CNTNAP2: variants seen among roughly 807,000 people sequenced by gnomAD.
The protein encoded by CNTNAP2 is contactin-associated protein-like 2.
Under a neutral mutation model 155.2 loss-of-function variants are expected in CNTNAP2, and 98 were observed. The ratio of observed to expected loss-of-function variants is 0.63; its 90% CI spans 0.54 to 0.75. The LOEUF (loss-of-function observed/expected upper bound fraction) is 0.75, where lower values mean the gene tolerates loss of function less well. Ranked by LOEUF, CNTNAP2 falls within the 30% of genes least tolerant of loss-of-function variation. The pLI is 0.00. For missense variants in CNTNAP2, 1,727 were observed against 1,688.1 expected, an observed-to-expected ratio of 1.02 and a Z score of -0.40; for synonymous variants, 651 against 631.2, an observed-to-expected ratio of 1.03 and a Z score of -0.47.
At chr7:146,437,031 C>T (rs1006577183) in intron 1 of CNTNAP2, among the ~76,000 whole-genome samples, 1 of 151,468 alleles carries the variant, frequency 6.6e-6, no homozygotes, top group African/African-American at 2.5e-5. Flanking sequence ...GGAACCGGGC[C>T]GCACGGCAGG....
In CNTNAP2 at chr7:147,785,405, C is replaced by T. The variant is rs182556433; in HGVS notation, c.2099-118160C>T. Reference sequence around the variant, plus strand: ...GATGAGAGCCAAAGGAGCCAGTGAACTTTGTAATATGGAGCTTCTTGGTGC... The same window carrying T: ...GATGAGAGCCAAAGGAGCCAGTGAATTTTGTAATATGGAGCTTCTTGGTGC... On this transcript the variant is annotated intron_variant, in intron 13 of 23. Coordinates refer to ENST00000361727, the MANE Select transcript of CNTNAP2 (RefSeq NM_014141.6). Among the ~76,000 whole-genome samples, 14 of 152,180 alleles carry T rather than the reference C, an allele frequency of 9.2e-5. 1 individual carries two copies. Among genetic ancestry groups the T allele is most frequent in the Non-Finnish European group, 1.9e-4 (13 of 68,016 alleles).
In CNTNAP2 at chr7:148,419,152, A is replaced by T. The variant is rs571709941; in HGVS notation, c.*3536A>T. ...ACATTATACCCTGCTCTTACGCAGT[A>T]AACGTTTTAATGGCCCGTTTATGTC... On this transcript the variant is annotated 3_prime_UTR_variant, in exon 24 of 24. Coordinates refer to ENST00000361727, the MANE Select transcript of CNTNAP2 (RefSeq NM_014141.6). The T allele has an allele frequency of 6.6e-6, 1 of 152,344 alleles. No homozygotes were observed. Among genetic ancestry groups the T allele is most frequent in the South Asian group, 2.1e-4 (1 of 4,822 alleles). The allele number at this position is 152,344 out of a possible 1,614,324, so 9.4% of individuals were successfully genotyped here.
At chr7:147,744,863 G>T (rs1370526463) in intron 13 of CNTNAP2, among the ~76,000 whole-genome samples, 1 of 151,888 alleles carries the variant, frequency 6.6e-6, no homozygotes, top group Non-Finnish European at 1.5e-5. Context: ...CTCCTTAAAG[G>T]CCCATCTCCA....
intron 8 of CNTNAP2, among the ~76,000 whole-genome samples, chr7:147,263,734 CAT>C (rs1804545558): frequency 6.6e-6 from 1 of 152,160 alleles, no homozygotes; most frequent in South Asian, 2.1e-4. Flanking sequence ...GTATAGAAAT[CAT>C]ATGTAGAAAT....
intron 13 of CNTNAP2, among the ~76,000 whole-genome samples, chr7:147,724,806 C>T (rs1796618796): frequency 6.6e-6 from 1 of 151,830 alleles, no homozygotes; most frequent in Non-Finnish European, 1.5e-5. Context: ...TTGCAGGAAG[C>T]AAAGTGGAAT....
intron 10 of CNTNAP2, among the ~76,000 whole-genome samples, chr7:147,400,245 G>A (rs928117393): frequency 2.0e-5 from 3 of 152,142 alleles, no homozygotes; most frequent in African/African-American, 7.2e-5. Context: ...AAGTTGGGGA[G>A]AGGGGGTGCT....
intron 1 of CNTNAP2, among the ~76,000 whole-genome samples, chr7:146,475,124 CA>C (rs1248016293): frequency 6.6e-6 from 1 of 151,880 alleles, no homozygotes; most frequent in Admixed American, 6.5e-5. Context: ...GACTGGATGT[CA>C]AAAAAAGCAC....
chr7:147,838,310 CA>C (rs2116647188), intron 13 of CNTNAP2, among the ~76,000 whole-genome samples: 1 of 152,306 alleles, frequency 6.6e-6, no homozygotes, highest in South Asian at 2.1e-4. Context: ...GTCCTGGAGA[CA>C]TTTTCCCCAT....
chr7:147,241,357 G>T (rs1803933927), intron 8 of CNTNAP2, among the ~76,000 whole-genome samples: 1 of 152,146 alleles, frequency 6.6e-6, no homozygotes, highest in African/African-American at 2.4e-5. Flanking sequence ...GCCGGGCGCG[G>T]TGCCTCTTGC....
intron 11 of CNTNAP2, among the ~76,000 whole-genome samples, chr7:147,525,916 G>T (rs1025125064): frequency 1.3e-5 from 2 of 151,994 alleles, no homozygotes; most frequent in African/African-American, 4.8e-5. Context: ...TGTTAGGCTG[G>T]GTGCAGTGGC....
intron 4 of CNTNAP2, among the ~76,000 whole-genome samples, chr7:147,107,672 A>T (rs1338544265): frequency 6.6e-6 from 1 of 152,208 alleles, no homozygotes; most frequent in African/African-American, 2.4e-5. Flanking sequence ...CATTTAAAAA[A>T]AAGAGAATAG....
chr7:147,347,471 TA>T, intron 9 of CNTNAP2, among the ~76,000 whole-genome samples: 3 of 59,142 alleles, frequency 5.1e-5, no homozygotes, highest in African/African-American at 6.9e-5. Flanking sequence ...TATATATATA[TA>T]TATGCATATA....
At chr7:147,260,682 A>G (rs775911117) in intron 8 of CNTNAP2, among the ~76,000 whole-genome samples, 1 of 152,204 alleles carries the variant, frequency 6.6e-6, no homozygotes, top group East Asian at 1.9e-4. Context: ...TGTAGTTCTC[A>G]TATTGTACAA....
At chr7:148,121,284 C>A (rs146905387) in intron 16 of CNTNAP2, among the ~76,000 whole-genome samples, 1 of 152,120 alleles carries the variant, frequency 6.6e-6, no homozygotes, top group Non-Finnish European at 1.5e-5. Context: ...CCACCCGCGT[C>A]GGCCTCCCAA....
intron 13 of CNTNAP2, among the ~76,000 whole-genome samples, chr7:147,720,572 G>A (rs903119688): frequency 5.3e-5 from 8 of 152,180 alleles, no homozygotes; most frequent in Admixed American, 2.6e-4. Context: ...TAATCCCCAC[G>A]TGTGAAGGAA....
At chr7:146,503,609 T>C (rs1797338351) in intron 1 of CNTNAP2, among the ~76,000 whole-genome samples, 1 of 152,210 alleles carries the variant, frequency 6.6e-6, no homozygotes, top group South Asian at 2.1e-4. Context: ...ATTTGATTTT[T>C]GTATATGGTG....
intron 20 of CNTNAP2, among the ~76,000 whole-genome samples, chr7:148,242,005 C>T (rs17433156): frequency 0.25 from 37,860 of 152,068 alleles, 4,836 homozygotes; most frequent in Middle Eastern, 0.29. Flanking sequence ...CTCCAGAATA[C>T]GGCTAAAGCT....
chr7:146,870,685 C>G (rs1449285972), intron 3 of CNTNAP2, among the ~76,000 whole-genome samples: 2 of 152,128 alleles, frequency 1.3e-5, no homozygotes, highest in African/African-American at 2.4e-5. Flanking sequence ...GTTCTACAAT[C>G]ATAACTTTAA....
chr7:147,583,794 T>C (rs1013671496), intron 12 of CNTNAP2, among the ~76,000 whole-genome samples: 2 of 152,116 alleles, frequency 1.3e-5, no homozygotes, highest in Non-Finnish European at 2.9e-5. Flanking sequence ...AAATAATTCA[T>C]TGATTCTCAG....
Sources: gnomAD v4.1 joint callset for allele counts (sites outside exome capture counted in the v4.1 genomes callset) on GRCh38, gnomAD v4.1.1 for gene constraint, MANE v1.5 for transcripts, NCBI Gene and HGNC (gene_info 2026-07-23, HGNC 2026-07-21) for gene names.